PPFIBP1: variants seen among roughly 807,000 people sequenced by gnomAD.
The protein encoded by PPFIBP1 is PPFIB scaffold protein 1.
In PPFIBP1, 112 loss-of-function variants were observed where a neutral mutation model predicts 137.8. That is an observed-to-expected ratio of 0.81 (90% CI 0.70 to 0.95). The LOEUF is 0.95. Among genes scored for constraint, PPFIBP1 ranks in the 40% least tolerant of loss-of-function variants. The pLI is 0.00. For synonymous variants in PPFIBP1, 378 were observed against 417.3 expected (o/e 0.91, Z 1.15); for missense variants, 1,083 against 1,196.6 (o/e 0.91, Z 1.40).
intron 1 of PPFIBP1, among the ~76,000 whole-genome samples, chr12:27,571,825 C>T (rs1277777292): frequency 6.6e-6 from 1 of 152,112 alleles, no homozygotes; most frequent in Non-Finnish European, 1.5e-5. Context: ...GTGATATTTG[C>T]AGTAACACAT....
chr12:27,628,654 C>A (rs1232747988), intron 2 of PPFIBP1, among the ~76,000 whole-genome samples: 3 of 152,184 alleles, frequency 2.0e-5, no homozygotes, highest in African/African-American at 7.2e-5. Context: ...TGATTCATGA[C>A]ATATTATCAT....
intron 24 of PPFIBP1, among the ~76,000 whole-genome samples, chr12:27,685,172 A>G (rs868115183): frequency 9.9e-5 from 15 of 151,680 alleles, no homozygotes; most frequent in Non-Finnish European, 1.5e-4. Context: ...CTGTATATAC[A>G]TAGTATTATA....
At chr12:27,650,784 G>A (rs1593139643) in intron 7 of PPFIBP1, among the ~76,000 whole-genome samples, 1 of 152,248 alleles carries the variant, frequency 6.6e-6, no homozygotes, top group East Asian at 1.9e-4. Flanking sequence ...CTCCTAGTTT[G>A]TTTGCTTTGT....
chr12:27,597,402 C>T (rs2053445983), intron 2 of PPFIBP1, among the ~76,000 whole-genome samples: 1 of 152,188 alleles, frequency 6.6e-6, no homozygotes, highest in Non-Finnish European at 1.5e-5. Context: ...GATCCACCCA[C>T]CTCGGCTCCC....
chr12:27,648,349 G>C (rs1350849028), intron 6 of PPFIBP1, among the ~76,000 whole-genome samples: 3 of 152,110 alleles, frequency 2.0e-5, no homozygotes, highest in Non-Finnish European at 4.4e-5. Flanking sequence ...CAGGCAATAA[G>C]AAATGCTGGC....
chr12:27,546,214 C>G (rs186352085), intron 1 of PPFIBP1, among the ~76,000 whole-genome samples: 1 of 152,186 alleles, frequency 6.6e-6, no homozygotes, highest in African/African-American at 2.4e-5. Context: ...GGAAAGAAGC[C>G]TCAACTAAGA....
chr12:27,672,361 C>A, intron 14 of PPFIBP1, 66 bp from the exon 15 acceptor site: 2 of 1,279,708 alleles, frequency 1.6e-6, no homozygotes, highest in Non-Finnish European at 2.2e-6. Context: ...CTTATCTGTT[C>A]ACTTAGAACA....
At position 27,660,865 on chromosome 12, in the gene PPFIBP1, G is replaced by T. The variant is rs2059503031; in HGVS notation, c.845-19G>T. ...ACACATGTGAACTGAACTGACTTCT[G>T]ATTTGATGTTATTTTCAGACATCGA... On this transcript the variant is annotated intron_variant, in intron 10 of 29. Transcript: ENST00000228425. The T allele has an allele frequency of 6.2e-7, 1 of 1,612,682 alleles. No homozygotes were observed. The highest frequency in any genetic ancestry group is 1.1e-5 in the South Asian group (1 of 90,830).
chr12:27,668,284 T>C (rs1419381387), intron 13 of PPFIBP1, among the ~76,000 whole-genome samples: 4 of 152,176 alleles, frequency 2.6e-5, no homozygotes, highest in Non-Finnish European at 5.9e-5. Flanking sequence ...GAGGACTCTT[T>C]CATTGAATTA....
Position 27,681,534 on chromosome 12 carries a change from A to T in PPFIBP1, c.1896-12A>T, listed in dbSNP as rs1162820135. The T allele has an allele frequency of 6.2e-7, 1 of 1,611,456 alleles. No homozygotes were observed. The highest frequency in any genetic ancestry group is 8.5e-7 in the Non-Finnish European group (1 of 1,178,078). ...TGGATTATTTTTCATGCAATTACTC[A>T]TTTTCCTGTAGTGACTTGGATATGC... On this transcript the variant is annotated splice_polypyrimidine_tract_variant and intron_variant, in intron 21 of 29. Transcript: ENST00000228425.
intron 14 of PPFIBP1, among the ~76,000 whole-genome samples, chr12:27,671,776 AT>A (rs752770293): frequency 4.4e-4 from 67 of 152,266 alleles, no homozygotes; most frequent in South Asian, 3.1e-3. Context: ...TTAGAAAGAG[AT>A]TTTAAGGAAC....
intron 1 of PPFIBP1, among the ~76,000 whole-genome samples, chr12:27,527,701 A>C (rs985895189): frequency 2.0e-5 from 3 of 152,186 alleles, no homozygotes; most frequent in Non-Finnish European, 4.4e-5. Context: ...AAACATAGGC[A>C]AGAAATGTTG....
chr12:27,594,252 A>G (rs1474248965), intron 2 of PPFIBP1, among the ~76,000 whole-genome samples: 5 of 131,934 alleles, frequency 3.8e-5, no homozygotes, highest in Non-Finnish European at 6.2e-5. Context: ...ATCTCGGCTC[A>G]CTGCAACCTC....
chr12:27,530,144 C>A (rs558582803), intron 1 of PPFIBP1, among the ~76,000 whole-genome samples: 1 of 152,184 alleles, frequency 6.6e-6, no homozygotes, highest in Non-Finnish European at 1.5e-5. Flanking sequence ...GCCTTTGCAA[C>A]CGTTATCTTT....
chr12:27,585,352 G>A (rs1413352261), intron 2 of PPFIBP1, among the ~76,000 whole-genome samples: 3 of 152,172 alleles, frequency 2.0e-5, no homozygotes, highest in Admixed American at 6.5e-5. Context: ...TTCCACTCAG[G>A]AAACATCTAC....
intron 7 of PPFIBP1, among the ~76,000 whole-genome samples, chr12:27,652,985 A>C (rs1283346145): frequency 1.3e-5 from 2 of 152,176 alleles, no homozygotes; most frequent in African/African-American, 4.8e-5. Context: ...GATATCATCT[A>C]AGTGAAATAT....
chr12:27,607,352 A>G (rs900825418), intron 2 of PPFIBP1, among the ~76,000 whole-genome samples: 33 of 152,220 alleles, frequency 2.2e-4, no homozygotes, highest in African/African-American at 8.0e-4. Flanking sequence ...GGAGAATGGC[A>G]TTACTAGGGG....
intron 9 of PPFIBP1, chr12:27,657,128 T>C (rs1378439485): frequency 3.3e-5 from 5 of 153,020 alleles, no homozygotes; most frequent in African/African-American, 1.2e-4. Flanking sequence ...GTTCTGCCCT[T>C]TTGAGAGAAG....
At chr12:27,550,950 T>A (rs2136193834) in intron 1 of PPFIBP1, among the ~76,000 whole-genome samples, 1 of 150,472 alleles carries the variant, frequency 6.6e-6, no homozygotes, top group African/African-American at 2.4e-5. Context: ...TGCTTTCATG[T>A]GCTTTGTTTG....
Sources: gnomAD v4.1 joint callset for allele counts (sites outside exome capture counted in the v4.1 genomes callset) on GRCh38, gnomAD v4.1.1 for gene constraint, MANE v1.5 for transcripts, NCBI Gene and HGNC (gene_info 2026-07-23, HGNC 2026-07-21) for gene names.